ZC3H12B: variants seen among roughly 807,000 people sequenced by gnomAD.
The protein encoded by ZC3H12B is zinc finger CCCH-type containing 12B, also known as probable ribonuclease ZC3H12B.
Under a neutral mutation model 43.9 loss-of-function variants are expected in ZC3H12B, and 7 were observed. The ratio of observed to expected loss-of-function variants is 0.16; its 90% CI spans 0.09 to 0.30. The LOEUF (loss-of-function observed/expected upper bound fraction) is 0.30. ZC3H12B is among the 10% of genes least tolerant of loss of function. ZC3H12B has a pLI of 1.00. For synonymous variants in ZC3H12B, 222 were observed against 241.7 expected (o/e 0.92, Z 0.76); for missense variants, 475 against 670.2 (o/e 0.71, Z 3.22).
chrX:65,063,676 T>C, the ZC3H12B span, among the ~76,000 whole-genome samples: 10 of 112,267 alleles, frequency 8.9e-5, no homozygotes, highest in Non-Finnish European at 1.9e-4. Context: ...CCTCATACAG[T>C]GAGTTAGGGA....
the ZC3H12B span, among the ~76,000 whole-genome samples, chrX:65,119,157 G>A: frequency 9.0e-6 from 1 of 111,393 alleles, no homozygotes; most frequent in Non-Finnish European, 1.9e-5. Flanking sequence ...TCCTTTGGGT[G>A]TATACCCAGT....
chrX:65,321,042 T>C, the ZC3H12B span, among the ~76,000 whole-genome samples: 96 of 111,881 alleles, frequency 8.6e-4, no homozygotes, highest in African/African-American at 3.0e-3. Flanking sequence ...CAAAAATTGA[T>C]GAATGGGATC....
the ZC3H12B span, among the ~76,000 whole-genome samples, chrX:65,197,645 C>A: frequency 1.8e-5 from 2 of 112,092 alleles, no homozygotes; most frequent in African/African-American, 6.5e-5. Flanking sequence ...TTATGTCATT[C>A]CCCAAAAGTC....
At chrX:65,131,810 A>T in the ZC3H12B span, among the ~76,000 whole-genome samples, 2 of 111,556 alleles carry the variant, frequency 1.8e-5, no homozygotes, top group Non-Finnish European at 3.8e-5. Context: ...ATGGAGAAGA[A>T]ATTTGAGCTT....
the ZC3H12B span, among the ~76,000 whole-genome samples, chrX:65,325,354 A>G: frequency 9.0e-6 from 1 of 111,694 alleles, no homozygotes; most frequent in African/African-American, 3.2e-5. Flanking sequence ...AAAAAATTCT[A>G]AATATTTCAC....
chrX:65,071,338 A>G, the ZC3H12B span, among the ~76,000 whole-genome samples: 1 of 86,346 alleles, frequency 1.2e-5, no homozygotes. Context: ...CTTCATTTTG[A>G]GCCTATTGGT....
the ZC3H12B span, among the ~76,000 whole-genome samples, chrX:65,302,605 G>A: frequency 1.8e-5 from 2 of 111,952 alleles, no homozygotes; most frequent in African/African-American, 3.2e-5. Flanking sequence ...TATAGGTTCA[G>A]TGCAATCCCA....
At chrX:65,162,699 G>T in the ZC3H12B span, among the ~76,000 whole-genome samples, 5 of 111,463 alleles carry the variant, frequency 4.5e-5, no homozygotes, top group African/African-American at 9.8e-5. Context: ...TAACTTCTTT[G>T]CCTTTGGTTT....
chrX:65,161,280 G>C, the ZC3H12B span, among the ~76,000 whole-genome samples: 1 of 111,225 alleles, frequency 9.0e-6, no homozygotes, highest in South Asian at 3.8e-4. Flanking sequence ...TATTAGGTCC[G>C]CTTGGTGCAG....
At chrX:65,211,695 A>T in the ZC3H12B span, among the ~76,000 whole-genome samples, 2 of 89,377 alleles carry the variant, frequency 2.2e-5, no homozygotes, top group African/African-American at 4.1e-5. Flanking sequence ...ATATAATATT[A>T]TATAATATAT....
the ZC3H12B span, among the ~76,000 whole-genome samples, chrX:65,163,503 A>G: frequency 9.0e-6 from 1 of 111,075 alleles, no homozygotes; most frequent in East Asian, 2.9e-4. Flanking sequence ...CCTCGCTGCC[A>G]CCTTGCAGTT....
At chrX:65,330,699 G>C in the ZC3H12B span, 2 of 118,338 alleles carry the variant, frequency 1.7e-5, no homozygotes, top group Non-Finnish European at 3.5e-5. Context: ...TTATGTGATG[G>C]ATTACGTTTA....
chrX:65,311,783 G>A, the ZC3H12B span, among the ~76,000 whole-genome samples: 63 of 111,735 alleles, frequency 5.6e-4, no homozygotes, highest in African/African-American at 2.0e-3. Context: ...AGGAAATGTG[G>A]CACATATACA....
At chrX:65,251,751 T>C in the ZC3H12B span, among the ~76,000 whole-genome samples, 1 of 111,588 alleles carries the variant, frequency 9.0e-6, no homozygotes, top group Non-Finnish European at 1.9e-5. Flanking sequence ...GTTATTGGTG[T>C]ATAAGAATGC....
At chrX:65,402,898 A>G (rs1035058878) in intron 3 of ZC3H12B, among the ~76,000 whole-genome samples, 8 of 112,319 alleles carry the variant, frequency 7.1e-5, no homozygotes, top group Admixed American at 2.8e-4. Context: ...TTCAATATCA[A>G]TCACTTCAAT....
chrX:65,057,045 G>A, the ZC3H12B span, among the ~76,000 whole-genome samples: 2 of 111,810 alleles, frequency 1.8e-5, no homozygotes, highest in Non-Finnish European at 3.8e-5. Flanking sequence ...TATCCAATTT[G>A]CCAGTCTGTG....
chrX:65,179,888 G>A, the ZC3H12B span, among the ~76,000 whole-genome samples: 44 of 111,594 alleles, frequency 3.9e-4, 1 homozygote, highest in African/African-American at 1.3e-3. Flanking sequence ...AAAAATCCCA[G>A]GACCAGATAA....
intron 3 of ZC3H12B, among the ~76,000 whole-genome samples, chrX:65,456,561 G>T (rs1352311816): frequency 9.5e-6 from 1 of 105,405 alleles, no homozygotes; most frequent in Non-Finnish European, 2.0e-5. Flanking sequence ...GCCTCAGCCT[G>T]CCGAGTGCCT....
At chrX:65,347,586 G>A in the ZC3H12B span, among the ~76,000 whole-genome samples, 1 of 111,852 alleles carries the variant, frequency 8.9e-6, no homozygotes, top group African/African-American at 3.3e-5. Flanking sequence ...TCAGGAAACA[G>A]CAGGTGCTGG....
Sources: gnomAD v4.1 joint callset for allele counts (sites outside exome capture counted in the v4.1 genomes callset) on GRCh38, gnomAD v4.1.1 for gene constraint, MANE v1.5 for transcripts, NCBI Gene and HGNC (gene_info 2026-07-23, HGNC 2026-07-21) for gene names.